PPP3CA: variants seen among roughly 807,000 people sequenced by gnomAD.
PPP3CA encodes CAM-PRP catalytic subunit.
In PPP3CA, 14 loss-of-function variants were observed where a neutral mutation model predicts 66.5. The ratio of observed to expected loss-of-function variants is 0.21; its 90% CI spans 0.14 to 0.33. The LOEUF (loss-of-function observed/expected upper bound fraction) is 0.33. Among genes scored for constraint, PPP3CA ranks in the 10% least tolerant of loss-of-function variants. The pLI, the probability that PPP3CA is intolerant of heterozygous loss-of-function variation, is 1.00. For missense variants in PPP3CA, 317 were observed against 639.5 expected (o/e 0.50, Z 5.44); for synonymous variants, 232 against 226.2 (o/e 1.03, Z -0.23).
intron 3 of PPP3CA, among the ~76,000 whole-genome samples, chr4:101,102,616 G>C (rs948093296): frequency 6.6e-6 from 1 of 151,926 alleles, no homozygotes; most frequent in Non-Finnish European, 1.5e-5. Flanking sequence ...CTGTCTTGCC[G>C]GCAACTATTT....
intron 3 of PPP3CA, among the ~76,000 whole-genome samples, chr4:101,100,526 C>T (rs965446712): frequency 3.3e-5 from 5 of 152,030 alleles, no homozygotes; most frequent in African/African-American, 1.2e-4. Context: ...ATGCATTCAC[C>T]AACTTGGGGA....
intron 2 of PPP3CA, among the ~76,000 whole-genome samples, chr4:101,124,751 GAAAGAAAGAA>G (rs1722180397): frequency 8.3e-6 from 1 of 120,960 alleles, no homozygotes; most frequent in Non-Finnish European, 1.7e-5. Flanking sequence ...AAGAAAGAAA[GAAAGAAAGAA>G]AGAAAGAAAG....
rs570204168 is a variant in PPP3CA at position 101,268,596 on chromosome 4, A to G, written c.59-72480T>C. Reference sequence around the variant, plus strand: ...CACTGTATTTAACTGCTAATGAACTAAAGATAATAAAATTGCAACTTTATC... The same window carrying G: ...CACTGTATTTAACTGCTAATGAACTGAAGATAATAAAATTGCAACTTTATC... On this transcript the variant is annotated intron_variant, in intron 1 of 13. Coordinates refer to ENST00000394854, the MANE Select transcript of PPP3CA (RefSeq NM_000944.5). Among the ~76,000 whole-genome samples, 114 of 152,272 alleles carry G rather than the reference A, an allele frequency of 7.5e-4. 1 individual carries two copies. Among genetic ancestry groups the G allele is most frequent in the Middle Eastern group, 6.8e-3 (2 of 294 alleles).
intron 2 of PPP3CA, among the ~76,000 whole-genome samples, chr4:101,180,312 G>A (rs1345891799): frequency 6.6e-6 from 1 of 152,080 alleles, no homozygotes; most frequent in Non-Finnish European, 1.5e-5. Context: ...TAACAAGTGG[G>A]TTCTACTCAT....
chr4:101,120,694 A>G (rs1721999071), intron 2 of PPP3CA, among the ~76,000 whole-genome samples: 1 of 152,102 alleles, frequency 6.6e-6, no homozygotes, highest in Non-Finnish European at 1.5e-5. Flanking sequence ...CTGAGAACTT[A>G]GATTAGATTA....
chr4:101,219,136 AT>A (rs1725545501), intron 1 of PPP3CA, among the ~76,000 whole-genome samples: 1 of 151,992 alleles, frequency 6.6e-6, no homozygotes, highest in Admixed American at 6.6e-5. Context: ...CTGGGGCTTT[AT>A]TGTCAAAGTC....
At chr4:101,134,397 A>G (rs1300475869) in intron 2 of PPP3CA, among the ~76,000 whole-genome samples, 1 of 152,222 alleles carries the variant, frequency 6.6e-6, no homozygotes, top group Non-Finnish European at 1.5e-5. Flanking sequence ...CAAGAAAAAA[A>G]CAAAGAAGCT....
chr4:101,201,841 G>A (rs189777963), intron 1 of PPP3CA, among the ~76,000 whole-genome samples: 1 of 152,310 alleles, frequency 6.6e-6, no homozygotes, highest in Admixed American at 6.5e-5. Flanking sequence ...GTATGTCACA[G>A]TCCACCATGC....
At chr4:101,171,116 T>C in intron 2 of PPP3CA, 1 of 452,356 alleles carries the variant, frequency 2.2e-6, no homozygotes, top group Admixed American at 2.4e-5. Flanking sequence ...CTTTGGGTGG[T>C]TGTCAGTAGT....
rs533024659 is a variant in PPP3CA at position 101,174,368 on chromosome 4, G to A, written c.259+21548C>T. Among the ~76,000 whole-genome samples the A allele has an allele frequency of 2.0e-5, 3 of 152,190 alleles. No individual in the cohort carries two copies. In the East Asian group the frequency reaches 5.8e-4, roughly 29 times the overall value. On this transcript the variant is annotated intron_variant, in intron 2 of 13. Coordinates refer to ENST00000394854, the MANE Select transcript of PPP3CA (RefSeq NM_000944.5). ...TTAAGATATCACAAAATTAATTGGGGTTAGGGAATTCTTCACTAAAGTGCA... is the reference window on the plus strand; with the variant it reads ...TTAAGATATCACAAAATTAATTGGGATTAGGGAATTCTTCACTAAAGTGCA...
chr4:101,311,644 G>T (rs1398047258), intron 1 of PPP3CA, among the ~76,000 whole-genome samples: 3 of 152,180 alleles, frequency 2.0e-5, no homozygotes, highest in Non-Finnish European at 2.9e-5. Context: ...GCCAGGCATG[G>T]TGGCGTGTGT....
intron 2 of PPP3CA, among the ~76,000 whole-genome samples, chr4:101,124,737 A>AGAGAGAGAG (rs1722174570): frequency 1.4e-5 from 1 of 74,028 alleles, no homozygotes; most frequent in Admixed American, 1.4e-4. Flanking sequence ...GAAAGAAAGA[A>AGAGAGAGAG]AGAAAGAAAG....
chr4:101,037,929 C>G (rs1727324508), intron 11 of PPP3CA, among the ~76,000 whole-genome samples: 2 of 152,174 alleles, frequency 1.3e-5, no homozygotes, highest in African/African-American at 4.8e-5. Context: ...AGAATTTATA[C>G]TAGACTACAT....
At position 101,347,195 on chromosome 4, in the gene PPP3CA, G is replaced by T; in HGVS notation, c.-399C>A. ...CACCGCGGAATGGAGCCCCACGCGC[G>T]CACACACGGCCAGGATTAAGACCGA... is the stretch of plus-strand genomic sequence containing the variant. On this transcript the variant is annotated 5_prime_UTR_variant, in exon 1 of 14. Coordinates refer to ENST00000394854, the MANE Select transcript of PPP3CA (RefSeq NM_000944.5). The T allele has an allele frequency of 2.9e-6, 1 of 343,670 alleles. No individual in the cohort carries two copies. The highest frequency in any genetic ancestry group is 5.4e-6 in the Non-Finnish European group (1 of 183,626). The allele number at this position is 343,670 out of a possible 1,614,324, so 21.3% of individuals were successfully genotyped here.
chr4:101,110,968 T>A (rs949990882), intron 2 of PPP3CA, among the ~76,000 whole-genome samples: 1 of 152,212 alleles, frequency 6.6e-6, no homozygotes, highest in Non-Finnish European at 1.5e-5. Flanking sequence ...ATGAGCATAA[T>A]AATTTTAAAA....
intron 1 of PPP3CA, among the ~76,000 whole-genome samples, chr4:101,208,739 T>A (rs1725214949): frequency 6.6e-6 from 1 of 152,228 alleles, no homozygotes; most frequent in South Asian, 2.1e-4. Flanking sequence ...TATCATTTCT[T>A]GTTTATGGCA....
At chr4:101,242,441 G>A (rs1037975860) in intron 1 of PPP3CA, among the ~76,000 whole-genome samples, 1 of 151,932 alleles carries the variant, frequency 6.6e-6, no homozygotes, top group African/African-American at 2.4e-5. Context: ...AGGAGAAACA[G>A]GAAGGGTCAA....
chr4:101,102,472 A>T (rs1248012139), intron 3 of PPP3CA, among the ~76,000 whole-genome samples: 1 of 152,166 alleles, frequency 6.6e-6, no homozygotes, highest in Non-Finnish European at 1.5e-5. Flanking sequence ...CTTCCCAAAC[A>T]TTGACTAAAA....
intron 6 of PPP3CA, among the ~76,000 whole-genome samples, chr4:101,091,884 AGG>A (rs1729964817): frequency 1.4e-5 from 2 of 141,762 alleles, no homozygotes; most frequent in African/African-American, 5.6e-5. Flanking sequence ...GAGGAGGAGG[AGG>A]AGGAAGGAGG....
Sources: allele counts gnomAD v4.1 joint callset (sites outside exome capture counted in the v4.1 genomes callset), GRCh38; gene constraint gnomAD v4.1.1; transcripts MANE v1.5; gene names NCBI Gene and HGNC (gene_info 2026-07-23, HGNC 2026-07-21).